COX14: variants seen among roughly 807,000 people sequenced by gnomAD.
COX14 encodes cytochrome c oxidase assembly protein COX14.
In COX14, 3 loss-of-function variants were observed where a neutral mutation model predicts 5.8. That is an observed-to-expected ratio of 0.51 (90% CI 0.23 to 1.33). The LOEUF is 1.33. COX14 is among the 40% of genes most tolerant of loss of function. COX14 has a pLI of 0.18. For synonymous variants in COX14, 25 were observed against 26.1 expected, an observed-to-expected ratio of 0.96 and a Z score of 0.13; for missense variants, 72 against 72.1, an observed-to-expected ratio of 1.00 and a Z score of 0.01.
chr12:50,119,957 A>G (rs925530729), intron 1 of COX14, 79 bp from the exon 2 acceptor site: 30 of 1,138,134 alleles, frequency 2.6e-5, no homozygotes, highest in Non-Finnish European at 3.7e-5. Flanking sequence ...TGCAGAAGTT[A>G]TGGAATGGCG....
intron 1 of COX14, among the ~76,000 whole-genome samples, chr12:50,112,680 C>G (rs1382317286): frequency 6.6e-5 from 10 of 152,210 alleles, no homozygotes; most frequent in African/African-American, 2.4e-4. Context: ...ACCGCTTTCA[C>G]TTCCTGGAAT....
At chr12:50,113,196 C>G (rs1021375722) in intron 1 of COX14, among the ~76,000 whole-genome samples, 1 of 149,030 alleles carries the variant, frequency 6.7e-6, no homozygotes, top group Non-Finnish European at 1.5e-5. Flanking sequence ...CTCTAAGTGC[C>G]AAACAAAAAG....
rs1321961526 is a variant in COX14 at position 50,115,653 on chromosome 12, G to A, written c.-9+3352G>A. On this transcript the variant is annotated intron_variant, in intron 1 of 1. Transcript: ENST00000550487. ...CTGCACCTCTACCTCCTGGGCTCAAGCGATCCTCCAACCTCAGCCTCTTGA... is the reference window on the plus strand; with the variant it reads ...CTGCACCTCTACCTCCTGGGCTCAAACGATCCTCCAACCTCAGCCTCTTGA... Among the ~76,000 whole-genome samples the A allele has an allele frequency of 9.2e-5, 14 of 151,800 alleles. No homozygotes were observed. In the East Asian group the frequency reaches 2.7e-3, roughly 29 times the overall value.
intron 1 of COX14, among the ~76,000 whole-genome samples, chr12:50,112,672 C>G (rs893058299): frequency 6.6e-6 from 1 of 152,182 alleles, no homozygotes; most frequent in East Asian, 1.9e-4. Flanking sequence ...ACCTCTTGAC[C>G]GCTTTCACTT....
In COX14 at chr12:50,120,271, A is replaced by G. The variant is rs1951119359; in HGVS notation, c.*54A>G. The G allele has an allele frequency of 6.9e-7, 1 of 1,454,968 alleles. No individual in the cohort carries two copies. Among genetic ancestry groups the G allele is most frequent in the Non-Finnish European group, 9.4e-7 (1 of 1,059,974 alleles). 90.1% of individuals were successfully genotyped at this position (1,454,968 alleles called of 1,614,324 possible). On this transcript the variant is annotated 3_prime_UTR_variant, in exon 2 of 2. Transcript: ENST00000550487. ...GAGGCCCAAGGCATGCTGTGGAGAG[A>G]CTTCACCTGCCACCATTTCCAGGTC... is the stretch of plus-strand genomic sequence containing the variant.
rs1410025869 is a variant in COX14, at chr12:50,114,234, A to AC, written c.-9+1933_-9+1934insC. Among the ~76,000 whole-genome samples, 294 of 151,396 alleles carry AC rather than the reference A, an allele frequency of 1.9e-3. 1 individual carries two copies. Among genetic ancestry groups the AC allele is most frequent in the South Asian group, 0.019 (92 of 4,802 alleles). Reference sequence around the variant, plus strand: ...GTAGTTAAATGAAAAAAAAAAAAAAAAAAACAGGTGTTTCTGGAATTTTTT... The same window carrying AC: ...GTAGTTAAATGAAAAAAAAAAAAAAACAAAACAGGTGTTTCTGGAATTTTTT... On this transcript the variant is annotated intron_variant, in intron 1 of 1. Transcript: ENST00000550487.
rs1180276583 is a variant in COX14 at position 50,120,054 on chromosome 12, G to A, written c.11G>A (p.Gly4Asp). Residue 4 changes from glycine (G) to aspartate (D), a missense_variant, in exon 2 of 2, where the codon GGC becomes GAC. Coordinates refer to ENST00000550487, the MANE Select transcript of COX14 (RefSeq NM_032901.4). ...TTTGTAGGGGACAAGATGCCAACTG[G>A]CAAGCAGCTAGCTGACATTGGCTAT... The part of the protein sequence containing the change: MPT[G>D]KQLADIGYKT... 2 of 1,614,048 alleles carry A rather than the reference G, an allele frequency of 1.2e-6. No individual in the cohort carries two copies. Among genetic ancestry groups the A allele is most frequent in the Non-Finnish European group, 1.7e-6 (2 of 1,179,900 alleles).
At chr12:50,118,460 T>G in intron 1 of COX14, 1 of 984,508 alleles carries the variant, frequency 1.0e-6, no homozygotes, top group Non-Finnish European at 1.2e-6. Flanking sequence ...CTGGTTGTTG[T>G]TTCTTTAAAA....
intron 1 of COX14, chr12:50,112,610 C>T (rs1434202129): frequency 5.4e-6 from 2 of 370,024 alleles, no homozygotes; most frequent in East Asian, 1.6e-4. Flanking sequence ...CCTCTGCGTC[C>T]TGATAAGTGG....
At chr12:50,114,789 T>TAA (rs1565751664) in intron 1 of COX14, among the ~76,000 whole-genome samples, 1 of 132,922 alleles carries the variant, frequency 7.5e-6, no homozygotes, top group African/African-American at 2.9e-5. Context: ...TTTTTTTTTT[T>TAA]TTTTTTTTTT....
chr12:50,119,868 G>T (rs980565134), intron 1 of COX14, among the ~76,000 whole-genome samples, 168 bp from the exon 2 acceptor site: 2 of 152,168 alleles, frequency 1.3e-5, no homozygotes, highest in African/African-American at 4.8e-5. Context: ...GTTCCTAAAT[G>T]ATATCTTCCA....
At chr12:50,118,047 C>G (rs1023781018) in intron 1 of COX14, among the ~76,000 whole-genome samples, 4 of 95,508 alleles carry the variant, frequency 4.2e-5, no homozygotes, top group Non-Finnish European at 7.8e-5. Context: ...CTGGCACCCC[C>G]CCTTTTTTTT....
At chr12:50,113,166 T>A (rs1389554547) in intron 1 of COX14, among the ~76,000 whole-genome samples, 2 of 151,894 alleles carry the variant, frequency 1.3e-5, no homozygotes, top group Non-Finnish European at 2.9e-5. Flanking sequence ...TGAGCCACCG[T>A]ACCCGGCCGA....
intron 1 of COX14, among the ~76,000 whole-genome samples, chr12:50,119,345 A>G (rs372760468): frequency 2.0e-5 from 3 of 152,308 alleles, no homozygotes; most frequent in African/African-American, 7.2e-5. Flanking sequence ...TGCTACCTCC[A>G]TTAGTTCCCT....
In COX14 at chr12:50,120,176, C is replaced by T. The variant is rs541111837; in HGVS notation, c.133C>T (p.Arg45Cys). ...CTATTTCCAGTGGCGCAGGGCCCAG[C>T]GCCAGGCCGCAGAAGAACAGAAGAC... ...YHYFQWRRAQ[R>C]QAAEEQKTSG... The change falls in exon 2 of 2, where the codon CGC (arginine) becomes TGC (cysteine). Residue 45 changes from arginine to cysteine, a missense_variant. Arg to Cys is a radical substitution (Grantham distance 180). Coordinates refer to ENST00000550487, the MANE Select transcript of COX14 (RefSeq NM_032901.4). The T allele has an allele frequency of 9.9e-6, 16 of 1,614,140 alleles. No individual in the cohort carries two copies. Among genetic ancestry groups the T allele is most frequent in the Admixed American group, 6.7e-5 (4 of 60,016 alleles).
rs189972155 is a variant in COX14, at chr12:50,113,789, T to A, written c.-9+1488T>A. On this transcript the variant is annotated intron_variant, in intron 1 of 1. Coordinates refer to ENST00000550487, the MANE Select transcript of COX14 (RefSeq NM_032901.4). ...CTGGGATTACAGGCATGTGCCACCA[T>A]GCCTGGCTAATTTTTGTATTTTTAG... Among the ~76,000 whole-genome samples the A allele has an allele frequency of 3.2e-3, 484 of 151,662 alleles. 2 individuals carry two copies. The highest frequency in any genetic ancestry group is 0.011 in the African/African-American group (468 of 41,340).
chr12:50,119,245 C>T (rs937279057), intron 1 of COX14, among the ~76,000 whole-genome samples: 1 of 152,188 alleles, frequency 6.6e-6, no homozygotes. Flanking sequence ...TGAATAAGAT[C>T]GTTTTTATGG....
At chr12:50,113,576 T>C (rs1281178650) in intron 1 of COX14, among the ~76,000 whole-genome samples, 1 of 152,110 alleles carries the variant, frequency 6.6e-6, no homozygotes, top group Non-Finnish European at 1.5e-5. Context: ...GTGCTGGGAT[T>C]ACAGGCGTGA....
chr12:50,113,459 A>T (rs542347286), intron 1 of COX14, among the ~76,000 whole-genome samples: 72 of 150,774 alleles, frequency 4.8e-4, no homozygotes, highest in African/African-American at 1.6e-3. Flanking sequence ...GCCCGCCACC[A>T]CGCCCGGCTA....
Sources: allele counts gnomAD v4.1 joint callset (sites outside exome capture counted in the v4.1 genomes callset), GRCh38; gene constraint gnomAD v4.1.1; transcripts MANE v1.5; gene names NCBI Gene and HGNC (gene_info 2026-07-23, HGNC 2026-07-21).